The following CMKLR2 variants were observed in gnomAD, a reference collection of about 807,000 sequenced individuals.
CMKLR2 encodes chemerin-like receptor 2.
In CMKLR2, 18 loss-of-function variants were observed where a neutral mutation model predicts 23.0. The observed-to-expected ratio is 0.78, with a 90% CI of 0.54 to 1.16. CMKLR2 has a LOEUF of 1.16. CMKLR2 is among the 50% of genes most tolerant of loss of function. The pLI, the probability that CMKLR2 is intolerant of heterozygous loss-of-function variation, is 0.00. For synonymous variants in CMKLR2, 158 were observed against 158.9 expected (o/e 0.99, Z 0.05); for missense variants, 401 against 412.7 (o/e 0.97, Z 0.25).
chr2:206,206,917 CTTTTT>C (rs66681603), intron 1 of CMKLR2, among the ~76,000 whole-genome samples: 7 of 126,154 alleles, frequency 5.5e-5, no homozygotes, highest in Non-Finnish European at 9.6e-5. Context: ...CCCCCTGCCC[CTTTTT>C]TTTTTTTTTT....
chr2:206,177,260 T>C lies in CMKLR2; in HGVS notation c.-13A>G, dbSNP rs199642362. On this transcript the variant is annotated 5_prime_UTR_variant, in exon 2 of 2. Transcript: ENST00000621141. ...CCAAATCTTCCATGACCTTGCTAAA[T>C]GGAGAATGAAGAAATCTGTAGAAGC... 72 of 1,497,504 alleles carry C rather than the reference T, an allele frequency of 4.8e-5. No individual in the cohort carries two copies. The African/African-American group carries it at 8.6e-4, about 18-fold the overall frequency. The allele number at this position is 1,497,504 out of a possible 1,614,324, so 92.8% of individuals were successfully genotyped here.
upstream of CMKLR2, among the ~76,000 whole-genome samples, chr2:206,215,222 G>T (rs551751153): frequency 6.6e-6 from 1 of 152,238 alleles, no homozygotes; most frequent in Non-Finnish European, 1.5e-5. Flanking sequence ...TTGTGAGACC[G>T]GATGAATAGA....
chr2:206,176,064 A>C lies in CMKLR2; in HGVS notation c.*116T>G. 1.4e-6 allele frequency: 1 copy of C among 736,968 alleles called. No homozygotes were observed. The highest frequency in any genetic ancestry group is 2.2e-6 in the Non-Finnish European group (1 of 460,646). The allele number at this position is 736,968 out of a possible 1,614,324, so 45.7% of individuals were successfully genotyped here. On this transcript the variant is annotated 3_prime_UTR_variant, in exon 2 of 2. Transcript: ENST00000621141. ...ATGTGATGCCTATATAGTGACCAGA[A>C]ACAATAACTATGAAAGTGGAGTCGG...
Position 206,176,465 on chromosome 2 carries a change from A to C in CMKLR2, c.783T>G (p.Pro261=). 6.2e-7 allele frequency: 1 copy of C among 1,614,222 alleles called. No homozygotes were observed. The highest frequency in any genetic ancestry group is 1.7e-5 in the Admixed American group (1 of 60,020). ...GCTCCCAAATGCTAAACAGGTGATAAGGAGTCCAGCAAACCACAAAGGCCA... is the reference window on the plus strand; with the variant it reads ...GCTCCCAAATGCTAAACAGGTGATACGGAGTCCAGCAAACCACAAAGGCCA... ...VVVAFVVCWT[P]YHLFSIWELT... Residue 261 remains proline, a synonymous_variant, in exon 2 of 2, where the codon CCT becomes CCG. Coordinates refer to ENST00000621141, the MANE Select transcript of CMKLR2 (RefSeq NM_001389445.1).
intron 1 of CMKLR2, among the ~76,000 whole-genome samples, chr2:206,187,244 C>G (rs1431335772): frequency 6.6e-6 from 1 of 152,000 alleles, no homozygotes; most frequent in Non-Finnish European, 1.5e-5. Flanking sequence ...TGAGATCACA[C>G]CACTGCACTC....
chr2:206,206,804 G>A (rs113735841), intron 1 of CMKLR2, among the ~76,000 whole-genome samples: 5 of 152,208 alleles, frequency 3.3e-5, no homozygotes, highest in South Asian at 2.1e-4. Flanking sequence ...TCACGTGCCC[G>A]GGCATCTTGG....
At chr2:206,207,759 T>TTTTTTTTTTTTC (rs369591680) in intron 1 of CMKLR2, among the ~76,000 whole-genome samples, 1 of 118,610 alleles carries the variant, frequency 8.4e-6, no homozygotes. Context: ...TTTTTTTTTT[T>TTTTTTTTTTTTC]GAGATGGAGT....
At chr2:206,205,769 G>C (rs186391962) in intron 1 of CMKLR2, among the ~76,000 whole-genome samples, 3 of 151,660 alleles carry the variant, frequency 2.0e-5, no homozygotes, top group Non-Finnish European at 4.4e-5. Context: ...GCGTGATCTC[G>C]GCTCCCCGCA....
At chr2:206,178,971 T>G (rs561593713) in intron 1 of CMKLR2, among the ~76,000 whole-genome samples, 1 of 151,716 alleles carries the variant, frequency 6.6e-6, no homozygotes, top group Admixed American at 6.6e-5. Flanking sequence ...TATTAATCAG[T>G]TTTACTTTAT....
At chr2:206,188,487 G>T (rs1576045307) in intron 1 of CMKLR2, among the ~76,000 whole-genome samples, 1 of 152,186 alleles carries the variant, frequency 6.6e-6, no homozygotes, top group African/African-American at 2.4e-5. Context: ...ACTAATAAAG[G>T]TCTCTATGAT....
At chr2:206,200,978 G>T (rs1314995242) in intron 1 of CMKLR2, among the ~76,000 whole-genome samples, 1 of 151,914 alleles carries the variant, frequency 6.6e-6, no homozygotes, top group Non-Finnish European at 1.5e-5. Context: ...TAGCGGTAGG[G>T]TCTCACTCTT....
intron 1 of CMKLR2, among the ~76,000 whole-genome samples, chr2:206,192,989 G>C (rs1688801143): frequency 6.6e-6 from 1 of 152,148 alleles, no homozygotes; most frequent in Non-Finnish European, 1.5e-5. Context: ...GTATTGTTTA[G>C]GGGATAACAA....
chr2:206,188,596 TGGTGTGAAG>T (rs1263750519), intron 1 of CMKLR2, among the ~76,000 whole-genome samples: 1 of 152,144 alleles, frequency 6.6e-6, no homozygotes, highest in African/African-American at 2.4e-5. Context: ...GAAAAATGCT[TGGTGTGAAG>T]CAAAGTTCAG....
chr2:206,197,475 G>A (rs906734285), intron 1 of CMKLR2, among the ~76,000 whole-genome samples: 46 of 152,112 alleles, frequency 3.0e-4, no homozygotes, highest in Admixed American at 1.4e-3. Context: ...AATTAAACAG[G>A]GAAAGAAAAA....
At chr2:206,187,399 T>C (rs1363589435) in intron 1 of CMKLR2, among the ~76,000 whole-genome samples, 1 of 152,140 alleles carries the variant, frequency 6.6e-6, no homozygotes, top group African/African-American at 2.4e-5. Context: ...AGCTTACAGG[T>C]AGGAATTGAC....
chr2:206,207,395 C>T lies in CMKLR2; in HGVS notation c.-29+5912G>A, dbSNP rs144003594. Among the ~76,000 whole-genome samples, 1,414 of 152,206 alleles carry T rather than the reference C, an allele frequency of 9.3e-3. 25 individuals are homozygous for T. Among genetic ancestry groups the T allele is most frequent in the African/African-American group, 0.032 (1,344 of 41,516 alleles). ...CCTTAGGTGATCCACCTGCCTTGGC[C>T]TCCCAGAGTGCTGGGATTACAGGTA... On this transcript the variant is annotated intron_variant, in intron 1 of 1. Coordinates refer to ENST00000621141, the MANE Select transcript of CMKLR2 (RefSeq NM_001389445.1).
chr2:206,196,763 C>T (rs890104137), intron 1 of CMKLR2, among the ~76,000 whole-genome samples: 24 of 152,152 alleles, frequency 1.6e-4, no homozygotes, highest in Non-Finnish European at 2.9e-4. Context: ...CTCTGTTCCT[C>T]GGGCTGGTTC....
intron 1 of CMKLR2, among the ~76,000 whole-genome samples, chr2:206,198,949 G>C (rs1314026547): frequency 1.3e-5 from 2 of 152,218 alleles, no homozygotes; most frequent in Non-Finnish European, 2.9e-5. Flanking sequence ...AACATCAGCA[G>C]TGCCCAGAAC....
Position 206,176,423 on chromosome 2 carries a change from A to G in CMKLR2, c.825T>C (p.Asn275=), listed in dbSNP as rs781590389. ...CCTGCATCACATGGTGGGAATAGCT[A>G]TTGTGGTGAATGGTGAGCTCCCAAA... ...FSIWELTIHH[N]SYSHHVMQAG... is the part of the protein sequence containing the mutation. The change falls in exon 2 of 2, where the codon AAT becomes AAC. Residue 275 remains asparagine, a synonymous_variant. Coordinates refer to ENST00000621141, the MANE Select transcript of CMKLR2 (RefSeq NM_001389445.1). 12 of 1,614,212 alleles carry G rather than the reference A, an allele frequency of 7.4e-6. No individual in the cohort carries two copies. Among genetic ancestry groups the G allele is most frequent in the Non-Finnish European group, 1.0e-5 (12 of 1,180,024 alleles).
Sources: gnomAD v4.1 joint callset for allele counts (sites outside exome capture counted in the v4.1 genomes callset) on GRCh38, gnomAD v4.1.1 for gene constraint, MANE v1.5 for transcripts, NCBI Gene and HGNC (gene_info 2026-07-23, HGNC 2026-07-21) for gene names.